The following FHAD1 variants were observed in gnomAD, a reference collection of about 807,000 sequenced individuals.
The protein encoded by FHAD1 is forkhead-associated domain-containing protein 1.
In FHAD1, 146 loss-of-function variants were observed where a neutral mutation model predicts 191.3. The observed-to-expected ratio is 0.76, with a 90% CI of 0.67 to 0.88. FHAD1 has a LOEUF of 0.88. Among genes scored for constraint, FHAD1 ranks in the 40% least tolerant of loss-of-function variants. The pLI, the probability that FHAD1 is intolerant of heterozygous loss-of-function variation, is 0.00. For missense variants in FHAD1, 1,635 were observed against 1,785.8 expected (o/e 0.92, Z 1.52); for synonymous variants, 616 against 672.3 (o/e 0.92, Z 1.29).
Position 15,369,413 on chromosome 1 carries a change from G to T in FHAD1, c.3358G>T (p.Glu1120Ter). ...KHRLQLNTEK[E>*]QKPRKKTQTC... ...CAGACTCCAGCTGAACACAGAGAAG[G>T]AACAGAAGCCCCGGAAGAAGACCCA... Residue 1120 changes from glutamate (E) to a stop codon, truncating the protein, a stop_gained, in exon 26 of 34, where the codon GAA (glutamate) becomes TAA (stop). Coordinates refer to ENST00000688493, the MANE Select transcript of FHAD1 (RefSeq NM_001391957.1). LOFTEE classifies it high-confidence loss of function. 6.4e-7 allele frequency: 1 copy of T among 1,551,926 alleles called. No homozygotes were observed. Among genetic ancestry groups the T allele is most frequent in the Non-Finnish European group, 8.7e-7 (1 of 1,147,046 alleles).
Position 15,289,300 on chromosome 1 carries a change from T to C in FHAD1, c.301-99T>C. Reference sequence around the variant, plus strand: ...ACCCTGCCCGACCGGAAGTGACTCATAAACCAAGACCTTGGGCAGCAATGC... The same window carrying C: ...ACCCTGCCCGACCGGAAGTGACTCACAAACCAAGACCTTGGGCAGCAATGC... On this transcript the variant is annotated intron_variant, in intron 3 of 33. Transcript: ENST00000688493. The surrounding 1 kb of genome is among the most constrained non-coding windows in gnomAD (Gnocchi z 4.2). 1 of 1,456,460 alleles carries C rather than the reference T, an allele frequency of 6.9e-7. No individual in the cohort carries two copies. The highest frequency in any genetic ancestry group is 9.1e-7 in the Non-Finnish European group (1 of 1,093,426). 90.2% of individuals were successfully genotyped at this position (1,456,460 alleles called of 1,614,324 possible). A position where few individuals can be genotyped will look rare whatever the true frequency, so the allele number is the denominator to read the frequency against.
chr1:15,367,382 C>A, intron 24 of FHAD1, 81 bp from the exon 25 acceptor site: 1 of 1,461,398 alleles, frequency 6.8e-7, no homozygotes. Flanking sequence ...CGTAATCCCA[C>A]GTACACAAGA....
intron 6 of FHAD1, among the ~76,000 whole-genome samples, chr1:15,302,097 G>T (rs1317246894): frequency 6.6e-6 from 1 of 152,172 alleles, no homozygotes; most frequent in Non-Finnish European, 1.5e-5. Context: ...GTGAGAGGTG[G>T]CAGTGCAATT....
intron 1 of FHAD1, among the ~76,000 whole-genome samples, chr1:15,240,973 A>G (rs12075725): frequency 0.02 from 1,561 of 77,654 alleles, 35 homozygotes; most frequent in Admixed American, 0.057. Context: ...AAAAAAAAAA[A>G]AAAGAAAGAA....
At chr1:15,303,338 C>T (rs1326848689) in intron 6 of FHAD1, among the ~76,000 whole-genome samples, 1 of 152,230 alleles carries the variant, frequency 6.6e-6, no homozygotes, top group African/African-American at 2.4e-5. Context: ...GCCTCTTTCT[C>T]TTCTCATCTG....
intron 26 of FHAD1, among the ~76,000 whole-genome samples, chr1:15,373,059 C>T (rs574263357): frequency 6.6e-6 from 1 of 152,264 alleles, no homozygotes; most frequent in Non-Finnish European, 1.5e-5. Flanking sequence ...GAATTTCTTA[C>T]CCTAGAGAAG....
intron 6 of FHAD1, among the ~76,000 whole-genome samples, chr1:15,303,450 A>G (rs928951756): frequency 3.3e-5 from 5 of 152,218 alleles, no homozygotes; most frequent in Non-Finnish European, 7.3e-5. Context: ...AAGGTTAAGG[A>G]TGAGTAACTG....
At chr1:15,272,299 G>T in intron 2 of FHAD1, 24 bp from the exon 3 acceptor site, 2 of 1,541,924 alleles carry the variant, frequency 1.3e-6, no homozygotes, top group South Asian at 2.4e-5. Flanking sequence ...TCATGGCTAC[G>T]ACTGTCCTCC....
intron 2 of FHAD1, among the ~76,000 whole-genome samples, chr1:15,257,708 T>TAC (rs1172371121): frequency 1.3e-5 from 2 of 152,230 alleles, no homozygotes; most frequent in Non-Finnish European, 2.9e-5. Flanking sequence ...GTGGAGGGCT[T>TAC]ACAAGAGGAA....
intron 13 of FHAD1, chr1:15,328,999 A>C (rs1460981852): frequency 5.6e-6 from 1 of 177,846 alleles, no homozygotes; most frequent in African/African-American, 2.4e-5. Context: ...ACGCTTTCCG[A>C]CCAGCTTGTG....
chr1:15,260,401 T>C (rs1433394492), intron 2 of FHAD1, among the ~76,000 whole-genome samples: 1 of 152,228 alleles, frequency 6.6e-6, no homozygotes, highest in African/African-American at 2.4e-5. Context: ...TTTATAACAA[T>C]GAGTGTTTAT....
chr1:15,271,300 G>A (rs1345628800), intron 2 of FHAD1, among the ~76,000 whole-genome samples: 2 of 152,158 alleles, frequency 1.3e-5, no homozygotes, highest in Non-Finnish European at 1.5e-5. Context: ...GTGACGGAGC[G>A]AGACTCTGTC....
At chr1:15,380,937 C>A in intron 29 of FHAD1, 141 bp downstream of exon 29, 1 of 664,070 alleles carries the variant, frequency 1.5e-6, no homozygotes, top group Non-Finnish European at 2.6e-6. Flanking sequence ...ACCTACTATC[C>A]CAGCATGGGT....
Position 15,362,555 on chromosome 1 carries a change from T to C in FHAD1, c.2963-87T>C. ...GAGGGCTGCAGGTGGAGGCAGGGTT[T>C]GTAAGTTGTGAAAGACACAGGTGTG... On this transcript the variant is annotated intron_variant, in intron 22 of 33. Transcript: ENST00000688493. The C allele has an allele frequency of 2.8e-6, 3 of 1,083,012 alleles. No individual in the cohort carries two copies. The South Asian group carries it at 4.0e-5, about 15-fold the overall frequency. 67.1% of individuals were successfully genotyped at this position (1,083,012 alleles called of 1,614,324 possible).
rs487338 is a variant in FHAD1, at chr1:15,289,687, T to C, written c.568+21T>C. 0.44 allele frequency: 680,253 copies of C among 1,532,686 alleles called. 153,366 individuals carry two copies. The highest frequency in any genetic ancestry group is 0.59 in the African/African-American group (42,976 of 72,798). 94.9% of individuals were successfully genotyped at this position (1,532,686 alleles called of 1,614,324 possible). A position where few individuals can be genotyped will look rare whatever the true frequency, so the allele number is the denominator to read the frequency against. ...GCAAGGTATGCGTCAGGGCTGCCAT[T>C]GGTGGCTTGGGGGTGGTTCACGGCC... is the stretch of plus-strand genomic sequence containing the variant. On this transcript the variant is annotated intron_variant, in intron 4 of 33. Coordinates refer to ENST00000688493, the MANE Select transcript of FHAD1 (RefSeq NM_001391957.1). This position sits in a 1 kb window ranked among gnomAD's most constrained non-coding sequence, Gnocchi z 4.2.
At chr1:15,340,305 A>G (rs1686021477) in intron 15 of FHAD1, among the ~76,000 whole-genome samples, 1 of 152,234 alleles carries the variant, frequency 6.6e-6, no homozygotes, top group Admixed American at 6.5e-5. Flanking sequence ...AACAACCACA[A>G]AACTTCAGCG....
At chr1:15,243,785 G>A (rs1645676691), upstream of FHAD1, among the ~76,000 whole-genome samples, 1 of 152,248 alleles carries the variant, frequency 6.6e-6, no homozygotes, top group South Asian at 2.1e-4. Context: ...AGTGCAGGCT[G>A]CTCAGAAGTG....
rs1212843929 is a variant in FHAD1 at position 15,398,039 on chromosome 1, G to A, written c.*626G>A. Reference sequence around the variant, plus strand: ...CCAGCTACACAGGAGGCTGAGGTGGGAGAATCACTTGAACCTAGGAGGCAG... The same window carrying A: ...CCAGCTACACAGGAGGCTGAGGTGGAAGAATCACTTGAACCTAGGAGGCAG... On this transcript the variant is annotated 3_prime_UTR_variant, in exon 34 of 34. Transcript: ENST00000688493. The A allele has an allele frequency of 6.6e-6, 1 of 152,014 alleles. No homozygotes were observed. The highest frequency in any genetic ancestry group is 2.4e-5 in the African/African-American group (1 of 41,342). 9.4% of individuals were successfully genotyped at this position (152,014 alleles called of 1,614,324 possible).
chr1:15,264,496 C>T (rs1300235127), intron 2 of FHAD1, among the ~76,000 whole-genome samples: 2 of 150,848 alleles, frequency 1.3e-5, no homozygotes, highest in African/African-American at 2.4e-5. Context: ...ATCCTGAGTA[C>T]AAAATAAATG....
Sources: gnomAD v4.1 joint callset for allele counts (sites outside exome capture counted in the v4.1 genomes callset) on GRCh38, gnomAD v4.1.1 for gene constraint, Gnocchi (gnomAD v3.1) non-coding constraint, MANE v1.5 for transcripts, NCBI Gene and HGNC (gene_info 2026-07-23, HGNC 2026-07-21) for gene names.